NLRP5: variants seen among roughly 807,000 people sequenced by gnomAD.
NLRP5 encodes NLR family pyrin domain containing 5.
A neutral mutation model predicts 113.1 loss-of-function variants in NLRP5; 93 were observed. The ratio of observed to expected loss-of-function variants is 0.82; its 90% CI spans 0.70 to 0.98. The LOEUF (loss-of-function observed/expected upper bound fraction) is 0.98. Ranked by LOEUF, NLRP5 falls within the 50% of genes least tolerant of loss-of-function variation. NLRP5 has a pLI of 0.00. For missense variants in NLRP5, 1,808 were observed against 1,514.3 expected (o/e 1.19, Z -3.22); for synonymous variants, 751 against 600.7 (o/e 1.25, Z -3.66).
At chr19:56,006,314 T>C (rs992878179) in intron 2 of NLRP5, among the ~76,000 whole-genome samples, 3 of 152,092 alleles carry the variant, frequency 2.0e-5, no homozygotes, top group Admixed American at 6.6e-5. Context: ...TTAGGAGATA[T>C]ACCTAATGTA....
chr19:55,989,170 C>T, the NLRP5 span, among the ~76,000 whole-genome samples: 1 of 152,140 alleles, frequency 6.6e-6, no homozygotes, highest in Non-Finnish European at 1.5e-5. Flanking sequence ...AAGAATACCT[C>T]AATTGTTTTG....
At chr19:56,019,277 G>T in intron 4 of NLRP5, 65 bp from the exon 5 acceptor site, 7 of 1,537,724 alleles carry the variant, frequency 4.6e-6, no homozygotes, top group Non-Finnish European at 6.3e-6. Flanking sequence ...TTATCTTGGG[G>T]GTGTCTGACA....
chr19:55,991,303 A>G, the NLRP5 span, among the ~76,000 whole-genome samples: 1 of 152,220 alleles, frequency 6.6e-6, no homozygotes. Flanking sequence ...CGTAGATGTT[A>G]AAGTGCAGCC....
Position 56,032,736 on chromosome 19 carries a change from T to A in NLRP5, c.2402T>A (p.Leu801Gln). ...CTGACAGAGCGGGCCATGAAGACCC[T>A]GTGTGCCAAGCTGAGGCATCCCACC... Residue 801 changes from leucine to glutamine, a missense_variant, in exon 8 of 15, where the codon CTG becomes CAG. By Grantham distance (113) the Leu-to-Gln change is moderately radical. Transcript: ENST00000390649. The A allele has an allele frequency of 6.2e-7, 1 of 1,612,708 alleles. No individual in the cohort carries two copies. The highest frequency in any genetic ancestry group is 8.5e-7 in the Non-Finnish European group (1 of 1,179,684).
At position 56,050,087 on chromosome 19, in the gene NLRP5, C is replaced by G. The variant is rs140872640; in HGVS notation, c.2958-331C>G. Among the ~76,000 whole-genome samples, 1,053 of 152,108 alleles carry G rather than the reference C, an allele frequency of 6.9e-3. 9 individuals are homozygous for G. The highest frequency in any genetic ancestry group is 0.024 in the African/African-American group (989 of 41,498). On this transcript the variant is annotated intron_variant, in intron 11 of 14. Transcript: ENST00000390649. ...CTGAGGTCAGGAGTTCGAGACCATC[C>G]TGGTCAACATCGTAAAACCCCATCT...
Position 56,027,854 on chromosome 19 carries a change from A to G in NLRP5, c.1621A>G (p.Asn541Asp), listed in dbSNP as rs1430574971. The change falls in exon 7 of 15, where the codon AAT becomes GAT. Residue 541 changes from asparagine to aspartate, a missense_variant. Coordinates refer to ENST00000390649, the MANE Select transcript of NLRP5 (RefSeq NM_153447.4). ...CCGTATGGCTGTGGAGGGAGTGTGG[A>G]ATAGGAAGTCAGTGTTTGACGGTGA... 1.9e-6 allele frequency: 3 copies of G among 1,613,794 alleles called. No homozygotes were observed. The highest frequency in any genetic ancestry group is 2.7e-5 in the African/African-American group (2 of 74,912).
intron 13 of NLRP5, among the ~76,000 whole-genome samples, chr19:56,055,720 T>A: frequency 6.6e-6 from 1 of 151,550 alleles, no homozygotes; most frequent in African/African-American, 2.4e-5. Context: ...TAATTTTTTG[T>A]ATTTTTAGTA....
intron 3 of NLRP5, among the ~76,000 whole-genome samples, chr19:56,013,596 G>GTTTTTTTTTGTTTTTTTTTTTT (rs1555765384): frequency 1.7e-5 from 1 of 59,284 alleles, no homozygotes; most frequent in African/African-American, 8.7e-5. Context: ...GGACATTTGG[G>GTTTTTTTTTGTTTTTTTTTTTT]TTTTTTTTTT....
At chr19:56,049,133 C>T (rs150485243) in intron 11 of NLRP5, among the ~76,000 whole-genome samples, 41 of 148,852 alleles carry the variant, frequency 2.8e-4, no homozygotes, top group African/African-American at 3.2e-4. Flanking sequence ...AGGTGTGTGC[C>T]GCCACACCCA....
At chr19:56,053,862 C>T in intron 13 of NLRP5, 54 bp downstream of exon 13, 17 of 1,563,280 alleles carry the variant, frequency 1.1e-5, no homozygotes, top group Non-Finnish European at 1.5e-5. Flanking sequence ...GTGGGGGACC[C>T]CAGCATGAGG....
chr19:56,048,727 G>A (rs1983816528), intron 11 of NLRP5, among the ~76,000 whole-genome samples: 1 of 151,926 alleles, frequency 6.6e-6, no homozygotes, highest in Admixed American at 6.6e-5. Flanking sequence ...AATTTCCTGG[G>A]TGTTCTTTGT....
intron 10 of NLRP5, among the ~76,000 whole-genome samples, chr19:56,039,110 T>C (rs1364314856): frequency 6.6e-6 from 1 of 150,788 alleles, no homozygotes; most frequent in African/African-American, 2.5e-5. Flanking sequence ...CGCTGAGTTC[T>C]CAAAACAGGT....
chr19:56,021,898 C>T (rs1436098887), intron 6 of NLRP5, among the ~76,000 whole-genome samples: 2 of 152,126 alleles, frequency 1.3e-5, no homozygotes, highest in Non-Finnish European at 2.9e-5. Context: ...GGGAATTGCT[C>T]TCACCTTTCT....
intron 10 of NLRP5, 86 bp downstream of exon 10, chr19:56,038,281 G>T: frequency 7.1e-7 from 1 of 1,400,396 alleles, no homozygotes; most frequent in East Asian, 2.3e-5. Context: ...TGGTGGGAGG[G>T]AAATGAGCAG....
intron 11 of NLRP5, among the ~76,000 whole-genome samples, chr19:56,041,887 G>A (rs1439223637): frequency 6.6e-6 from 1 of 152,202 alleles, no homozygotes; most frequent in Non-Finnish European, 1.5e-5. Flanking sequence ...AGGTGGAGGT[G>A]GCAGTGAGCT....
chr19:56,003,450 G>A (rs950674431), intron 1 of NLRP5, among the ~76,000 whole-genome samples: 14 of 152,282 alleles, frequency 9.2e-5, no homozygotes, highest in African/African-American at 3.1e-4. Flanking sequence ...CACTGCACCT[G>A]GCCATTGCCA....
At chr19:56,038,271 T>C (rs1983394644) in intron 10 of NLRP5, 76 bp downstream of exon 10, 3 of 1,476,948 alleles carry the variant, frequency 2.0e-6, no homozygotes, top group East Asian at 4.5e-5. Context: ...CTCCAGGTCA[T>C]GGTGGGAGGG....
At chr19:55,991,782 T>C in the NLRP5 span, among the ~76,000 whole-genome samples, 56 of 152,288 alleles carry the variant, frequency 3.7e-4, no homozygotes, top group Non-Finnish European at 2.9e-5. Flanking sequence ...CAAATATAAA[T>C]TAGGTAAATA....
chr19:55,987,857 C>A, the NLRP5 span: 2 of 1,614,132 alleles, frequency 1.2e-6, no homozygotes, highest in Non-Finnish European at 1.7e-6. Context: ...CTCCCCAACT[C>A]CTCACCCACC....
Sources: gnomAD v4.1 joint callset for allele counts (sites outside exome capture counted in the v4.1 genomes callset) on GRCh38, gnomAD v4.1.1 for gene constraint, MANE v1.5 for transcripts, NCBI Gene and HGNC (gene_info 2026-07-23, HGNC 2026-07-21) for gene names.